Variants in POLR2F observed in about 807,000 individuals in gnomAD.
POLR2F encodes the protein DNA-directed RNA polymerases I, II, and III subunit RPABC2.
In POLR2F, 12 loss-of-function variants were observed where a neutral mutation model predicts 22.7. The ratio of observed to expected loss-of-function variants is 0.53; its 90% CI spans 0.34 to 0.86. POLR2F has a LOEUF of 0.86. POLR2F is among the 40% of genes least tolerant of loss of function. The probability of loss-of-function intolerance (pLI) is 0.02; values close to 1 mark genes in which losing one functional copy is unlikely to be tolerated. For missense variants in POLR2F, 126 were observed against 171.5 expected (o/e 0.73, Z 1.48); for synonymous variants, 57 against 66.0 (o/e 0.86, Z 0.66).
intron 1 of POLR2F, among the ~76,000 whole-genome samples, chr22:38,005,204 G>A (rs2084810067): frequency 6.6e-6 from 1 of 152,232 alleles, no homozygotes; most frequent in Non-Finnish European, 1.5e-5. Context: ...AGTGGTAGGG[G>A]TGTTATTACC....
chr22:37,993,490 G>A (rs373543477), intron 1 of POLR2F, among the ~76,000 whole-genome samples: 3 of 152,226 alleles, frequency 2.0e-5, no homozygotes, highest in African/African-American at 7.2e-5. Context: ...CCTCCTCGCC[G>A]ACATAAGGTT....
downstream of POLR2F, chr22:37,973,256 C>T: frequency 2.0e-6 from 1 of 494,782 alleles, no homozygotes; most frequent in Admixed American, 3.5e-5. Context: ...AGTGTGGGTG[C>T]AACAGTCAAC....
intron 1 of POLR2F, among the ~76,000 whole-genome samples, chr22:38,001,550 T>C (rs942391862): frequency 7.9e-5 from 12 of 152,182 alleles, no homozygotes; most frequent in African/African-American, 2.9e-4. Context: ...TGTTTGTTTT[T>C]TGGATGGAGT....
rs1449896237 is a variant in POLR2F at position 38,024,845 on chromosome 22, G to T, written c.121-1024G>T. ...ACAGTGTAGGCAGGACCCTGGAGGG[G>T]TCGTGCAGGGTGCTGTGGACCATGC... On this transcript the variant is annotated intron_variant, in intron 1 of 2. Transcript: ENST00000333418. Among the ~76,000 whole-genome samples the T allele has an allele frequency of 2.6e-5, 4 of 152,222 alleles. No individual in the cohort carries two copies. The South Asian group carries it at 8.3e-4, about 32-fold the overall frequency.
At chr22:37,994,801 C>T (rs548194924) in intron 1 of POLR2F, among the ~76,000 whole-genome samples, 30 of 152,132 alleles carry the variant, frequency 2.0e-4, no homozygotes, top group Admixed American at 1.2e-3. Context: ...CCACCGCACC[C>T]GGCCAATTTT....
chr22:37,972,184 GGA>G, downstream of POLR2F: 3 of 1,123,750 alleles, frequency 2.7e-6, no homozygotes, highest in Non-Finnish European at 3.6e-6. Flanking sequence ...GAGGGAGGTG[GGA>G]GAGAGAGACC....
chr22:38,035,151 G>GTC (rs1035048305), intron 5 of POLR2F, among the ~76,000 whole-genome samples: 3 of 152,076 alleles, frequency 2.0e-5, no homozygotes, highest in African/African-American at 4.8e-5. Flanking sequence ...CCCTGTGTGT[G>GTC]TCTCTCTCTC....
intron 1 of POLR2F, among the ~76,000 whole-genome samples, chr22:38,014,210 G>C (rs1190931768): frequency 6.6e-6 from 1 of 151,534 alleles, no homozygotes; most frequent in East Asian, 1.9e-4. Context: ...ATGTATAATA[G>C]ATGTTTTGTA....
chr22:37,994,858 T>C (rs766492231), intron 1 of POLR2F, among the ~76,000 whole-genome samples: 1 of 152,050 alleles, frequency 6.6e-6, no homozygotes, highest in Non-Finnish European at 1.5e-5. Context: ...CCCAAGCTGG[T>C]CTCATTGAAC....
rs1052367302 is a variant in POLR2F, at chr22:37,978,559, A to G, written c.293+11389A>G. On this transcript the variant is annotated intron_variant, in intron 4 of 4. Transcript: ENST00000405557. This position sits in a 1 kb window ranked among gnomAD's most constrained non-coding sequence, Gnocchi z 5.0. Reference sequence around the variant, plus strand: ...CCTGGGACTGAGGGTGGGCAATAGAAGCAGCATGGCTGGGGGAGAACTCAG... The same window carrying G: ...CCTGGGACTGAGGGTGGGCAATAGAGGCAGCATGGCTGGGGGAGAACTCAG... 6.6e-6 allele frequency among the ~76,000 whole-genome samples: 1 copy of G among 152,200 alleles called. No individual in the cohort carries two copies. The highest frequency in any genetic ancestry group is 2.4e-5 in the African/African-American group (1 of 41,458).
rs1932298245 is a variant in POLR2F at position 37,978,577 on chromosome 22, G to T, written c.293+11407G>T. Among the ~76,000 whole-genome samples, 1 of 152,236 alleles carries T rather than the reference G, an allele frequency of 6.6e-6. No individual in the cohort carries two copies. The highest frequency in any genetic ancestry group is 6.5e-5 in the Admixed American group (1 of 15,282). Reference sequence around the variant, plus strand: ...CAATAGAAGCAGCATGGCTGGGGGAGAACTCAGTCTCTGCTACTTACTAGC... The same window carrying T: ...CAATAGAAGCAGCATGGCTGGGGGATAACTCAGTCTCTGCTACTTACTAGC... On this transcript the variant is annotated intron_variant, in intron 4 of 4. Transcript: ENST00000405557. This position sits in a 1 kb window ranked among gnomAD's most constrained non-coding sequence, Gnocchi z 5.0.
intron 1 of POLR2F, among the ~76,000 whole-genome samples, chr22:37,990,130 G>T (rs1230865536): frequency 6.6e-6 from 1 of 152,190 alleles, no homozygotes; most frequent in African/African-American, 2.4e-5. Context: ...TGCTGTCAGA[G>T]TTCCAAGGAG....
chr22:37,973,229 G>A, downstream of POLR2F: 1 of 447,886 alleles, frequency 2.2e-6, no homozygotes, highest in Non-Finnish European at 4.0e-6. Context: ...GGGGGAAGGT[G>A]CAGCCCCTCA....
chr22:37,959,491 C>A lies in POLR2F; in HGVS notation c.221+15C>A, dbSNP rs1178791860. 6.2e-7 allele frequency: 1 copy of A among 1,612,132 alleles called. No individual in the cohort carries two copies. The highest frequency in any genetic ancestry group is 1.3e-5 in the African/African-American group (1 of 74,910). On this transcript the variant is annotated intron_variant, in intron 3 of 4. Coordinates refer to ENST00000442738, the MANE Select transcript of POLR2F (RefSeq NM_021974.5). The stretch of plus-strand genomic sequence containing the variant: ...CTCCAGATTGCGTGAGTGATTGCCC[C>A]TTCACTGTCTTCTCCATCTGTCAGG...
Position 37,986,230 on chromosome 22 carries a change from T to TC in POLR2F, c.39dup (p.Cys15ValfsTer51). On this transcript the variant is annotated frameshift_variant, in exon 1 of 3. Transcript: ENST00000333418. LOFTEE classifies it high-confidence loss of function. The surrounding 1 kb of genome is among the most constrained non-coding windows in gnomAD (Gnocchi z 4.7). ...AGGGACGAGGGACGAGCATCTGCCG[T>TC]CGTGTCCCGGCTGCCCTGCAGTCGC... is the stretch of plus-strand genomic sequence containing the variant. The TC allele has an allele frequency of 6.5e-7, 1 of 1,541,268 alleles. No individual in the cohort carries two copies. Among genetic ancestry groups the TC allele is most frequent in the Non-Finnish European group, 8.7e-7 (1 of 1,147,296 alleles).
intron 1 of POLR2F, among the ~76,000 whole-genome samples, chr22:38,009,442 G>C (rs1174153810): frequency 6.6e-6 from 1 of 152,198 alleles, no homozygotes. Context: ...CAGTGGCAGT[G>C]GTGAGAAGTA....
At chr22:38,022,706 G>A (rs1345070384) in intron 1 of POLR2F, among the ~76,000 whole-genome samples, 1 of 151,800 alleles carries the variant, frequency 6.6e-6, no homozygotes, top group African/African-American at 2.4e-5. Flanking sequence ...AAGAATGAGA[G>A]TAAAAATAAA....
At position 37,953,749 on chromosome 22, in the gene POLR2F, G is replaced by C; in HGVS notation, c.-39G>C. The C allele has an allele frequency of 6.2e-7, 1 of 1,600,826 alleles. No homozygotes were observed. The highest frequency in any genetic ancestry group is 8.5e-7 in the Non-Finnish European group (1 of 1,176,626). On this transcript the variant is annotated 5_prime_UTR_variant, in exon 1 of 5. Coordinates refer to ENST00000442738, the MANE Select transcript of POLR2F (RefSeq NM_021974.5). ...TGTCGCTGTTTGCGGGTCTCCGCGCGGGACCGGGGCGCAGCGGGGTCGCTG... is the reference window on the plus strand; with the variant it reads ...TGTCGCTGTTTGCGGGTCTCCGCGCCGGACCGGGGCGCAGCGGGGTCGCTG...
chr22:37,968,148 G>A lies in POLR2F; in HGVS notation c.*433G>A. 2 of 986,222 alleles carry A rather than the reference G, an allele frequency of 2.0e-6. No individual in the cohort carries two copies. Among genetic ancestry groups the A allele is most frequent in the Non-Finnish European group, 2.4e-6 (2 of 830,494 alleles). The allele number at this position is 986,222 out of a possible 1,614,324, so 61.1% of individuals were successfully genotyped here. A position where few individuals can be genotyped will look rare whatever the true frequency, so the allele number is the denominator to read the frequency against. On this transcript the variant is annotated 3_prime_UTR_variant, in exon 5 of 5. Coordinates refer to ENST00000442738, the MANE Select transcript of POLR2F (RefSeq NM_021974.5). ...AGTATCACAGAGCAGGTCTCATCAA[G>A]CCACCCATTGTTTCCTAAGGACCTG...
Sources: gnomAD v4.1 joint callset for allele counts (sites outside exome capture counted in the v4.1 genomes callset) on GRCh38, gnomAD v4.1.1 for gene constraint, Gnocchi (gnomAD v3.1) non-coding constraint, MANE v1.5 for transcripts, NCBI Gene and HGNC (gene_info 2026-07-23, HGNC 2026-07-21) for gene names.